Variants in ZNF782 observed in about 807,000 individuals in gnomAD.
The protein encoded by ZNF782 is zinc finger protein 782.
Under a neutral mutation model 13.0 loss-of-function variants are expected in ZNF782, and 12 were observed. The observed-to-expected ratio is 0.92, with a 90% CI of 0.59 to 1.50. The LOEUF (loss-of-function observed/expected upper bound fraction) is 1.50, where lower values mean the gene tolerates loss of function less well. ZNF782 is among the 40% of genes most tolerant of loss of function. ZNF782 has a pLI of 0.00. For missense variants in ZNF782, 770 were observed against 822.9 expected, an observed-to-expected ratio of 0.94 and a Z score of 0.79; for synonymous variants, 284 against 283.0, an observed-to-expected ratio of 1.00 and a Z score of -0.04.
chr9:96,885,980 T>A, the ZNF782 span, among the ~76,000 whole-genome samples: 1 of 152,230 alleles, frequency 6.6e-6, no homozygotes, highest in Middle Eastern at 3.4e-3. Flanking sequence ...CCCAAGCAGC[T>A]GGGACCACAG....
upstream of ZNF782, among the ~76,000 whole-genome samples, chr9:96,855,061 G>A (rs946631470): frequency 2.0e-5 from 3 of 152,194 alleles, no homozygotes; most frequent in Non-Finnish European, 4.4e-5. Flanking sequence ...TGTGAGCCCT[G>A]TCCTGGCGCC....
At chr9:96,912,115 C>T in the ZNF782 span, among the ~76,000 whole-genome samples, 2 of 145,836 alleles carry the variant, frequency 1.4e-5, no homozygotes, top group Admixed American at 6.9e-5. Context: ...GCAGGAGAAT[C>T]GCTTCAACCC....
chr9:96,826,915 GCTTGTTTCCTACGAA>G (rs778318383), intron 5 of ZNF782, among the ~76,000 whole-genome samples, 150 bp downstream of exon 5: 3 of 152,184 alleles, frequency 2.0e-5, no homozygotes, highest in Non-Finnish European at 4.4e-5. Flanking sequence ...GAAGCTTGTA[GCTTGTTTCCTACGAA>G]CTTTGCCCCA....
At chr9:96,826,178 A>G (rs1273756466) in intron 5 of ZNF782, among the ~76,000 whole-genome samples, 12 of 152,106 alleles carry the variant, frequency 7.9e-5, no homozygotes, top group African/African-American at 2.9e-4. Context: ...GACTGGATTA[A>G]GAAAATGTGG....
At chr9:96,874,534 T>TCAAAGCTGGTC (rs1851869244) in intron 1 of ZNF782, among the ~76,000 whole-genome samples, 2 of 152,168 alleles carry the variant, frequency 1.3e-5, no homozygotes, top group Non-Finnish European at 2.9e-5. Flanking sequence ...CTTGGTCTTC[T>TCAAAGCTGGTC]CAAAGCTGGT....
At position 96,818,334 on chromosome 9, in the gene ZNF782, T is replaced by C; in HGVS notation, c.1689A>G (p.Lys563=). 1.9e-6 allele frequency: 3 copies of C among 1,614,190 alleles called. No individual in the cohort carries two copies. The highest frequency in any genetic ancestry group is 2.5e-6 in the Non-Finnish European group (3 of 1,180,020). The change falls in exon 6 of 6, where the codon AAA becomes AAG. Residue 563 remains lysine, a synonymous_variant. Coordinates refer to ENST00000481138, the MANE Select transcript of ZNF782 (RefSeq NM_001001662.3). Reference sequence around the variant, plus strand: ...TGAAAGCTTCCCCACAATGATTACATTTATAGGGTTTTTCCCCTGTGTGAA... The same window carrying C: ...TGAAAGCTTCCCCACAATGATTACACTTATAGGGTTTTTCCCCTGTGTGAA... ...HRIHTGEKPY[K]CNHCGEAFSQ...
At chr9:96,848,822 A>T (rs1851413196) in intron 3 of ZNF782, among the ~76,000 whole-genome samples, 2 of 152,218 alleles carry the variant, frequency 1.3e-5, no homozygotes, top group Non-Finnish European at 2.9e-5. Flanking sequence ...TAGAAAAAAC[A>T]ATCCTAAAAT....
chr9:96,827,967 T>A (rs1427906701), intron 4 of ZNF782, among the ~76,000 whole-genome samples: 1 of 152,146 alleles, frequency 6.6e-6, no homozygotes, highest in Non-Finnish European at 1.5e-5. Context: ...GGCAAGCTGA[T>A]GTGACAAAAT....
upstream of ZNF782, among the ~76,000 whole-genome samples, chr9:96,857,261 C>T (rs892182650): frequency 6.6e-6 from 1 of 152,164 alleles, no homozygotes; most frequent in Non-Finnish European, 1.5e-5. Context: ...AACACTGCCT[C>T]TTTTCATGAT....
chr9:96,847,103 TA>T (rs1434087390), intron 3 of ZNF782, among the ~76,000 whole-genome samples: 1 of 152,076 alleles, frequency 6.6e-6, no homozygotes, highest in Non-Finnish European at 1.5e-5. Flanking sequence ...GGGTTAACAA[TA>T]AAATCAAGAT....
chr9:96,908,051 T>C, the ZNF782 span, among the ~76,000 whole-genome samples: 1 of 152,022 alleles, frequency 6.6e-6, no homozygotes, highest in Non-Finnish European at 1.5e-5. Flanking sequence ...TATTCTTAAA[T>C]AAACACAATG....
At chr9:96,863,717 G>C (rs1354249137) in intron 1 of ZNF782, among the ~76,000 whole-genome samples, 1 of 152,180 alleles carries the variant, frequency 6.6e-6, no homozygotes, top group Non-Finnish European at 1.5e-5. Flanking sequence ...GCAGCAACTT[G>C]GATGGAGCTG....
intron 4 of ZNF782, among the ~76,000 whole-genome samples, chr9:96,837,608 G>A (rs10979268): frequency 0.06 from 9,105 of 152,042 alleles, 591 homozygotes; most frequent in East Asian, 0.24. Context: ...TTCTTAAGAC[G>A]TGAAGTTAGG....
At chr9:96,841,432 C>A (rs969919754) in intron 4 of ZNF782, among the ~76,000 whole-genome samples, 7 of 151,870 alleles carry the variant, frequency 4.6e-5, no homozygotes, top group African/African-American at 1.7e-4. Flanking sequence ...AAAGGCAGTA[C>A]AAAACTACAG....
the ZNF782 span, among the ~76,000 whole-genome samples, chr9:96,905,398 T>C: frequency 2.0e-5 from 3 of 151,804 alleles, no homozygotes; most frequent in African/African-American, 7.3e-5. Flanking sequence ...GAAGTTACTC[T>C]ATATGGTCTA....
rs756120893 is a variant in ZNF782 at position 96,827,152 on chromosome 9, A to C, written c.172T>G (p.Phe58Val). 6.2e-7 allele frequency: 1 copy of C among 1,612,308 alleles called. No homozygotes were observed. The highest frequency in any genetic ancestry group is 1.7e-5 in the Admixed American group (1 of 59,828). ...GGATCTTCTCCTTGTTCCAATGTGA[A>C]GATCAGTTCTGGTTTTGTAAAGCAG... ...GYCFTKPELI[F>V]TLEQGEDPWL... Residue 58 changes from phenylalanine to valine, a missense_variant, in exon 5 of 6, where the codon TTC becomes GTC. Transcript: ENST00000481138.
chr9:96,880,200 A>T, upstream of ZNF782, among the ~76,000 whole-genome samples: 1 of 149,448 alleles, frequency 6.7e-6, no homozygotes. Flanking sequence ...ATTCCTTGGG[A>T]TTTTCTATCT....
At chr9:96,872,190 T>A (rs571004999) in intron 1 of ZNF782, among the ~76,000 whole-genome samples, 1 of 152,356 alleles carries the variant, frequency 6.6e-6, no homozygotes, top group African/African-American at 2.4e-5. Context: ...ATGTGGTTTT[T>A]ATTTCTCATG....
the ZNF782 span, among the ~76,000 whole-genome samples, chr9:96,884,782 A>T: frequency 6.6e-6 from 1 of 152,204 alleles, no homozygotes; most frequent in African/African-American, 2.4e-5. Flanking sequence ...GAAGCTGAAC[A>T]AACACACCCA....
Sources: gnomAD v4.1 joint callset for allele counts (sites outside exome capture counted in the v4.1 genomes callset) on GRCh38, gnomAD v4.1.1 for gene constraint, MANE v1.5 for transcripts, NCBI Gene and HGNC (gene_info 2026-07-23, HGNC 2026-07-21) for gene names.